DYSF: variants seen among roughly 807,000 people sequenced by gnomAD.
The protein encoded by DYSF is dystrophy-associated fer-1-like 1.
Under a neutral mutation model 274.9 loss-of-function variants are expected in DYSF, and 212 were observed. The observed-to-expected ratio is 0.77, with a 90% CI of 0.69 to 0.86. The LOEUF (loss-of-function observed/expected upper bound fraction) is 0.86, where lower values mean the gene tolerates loss of function less well. Among genes scored for constraint, DYSF ranks in the 40% least tolerant of loss-of-function variants. The pLI is 0.00. For synonymous variants in DYSF, 1,091 were observed against 1,078.7 expected, an observed-to-expected ratio of 1.01 and a Z score of -0.22; for missense variants, 2,666 against 2,783.2, an observed-to-expected ratio of 0.96 and a Z score of 0.95.
chr2:71,537,479 C>G (rs765100764), intron 16 of DYSF, among the ~76,000 whole-genome samples: 106 of 152,226 alleles, frequency 7.0e-4, no homozygotes, highest in Middle Eastern at 3.4e-3. Flanking sequence ...CTCCTGATCT[C>G]AGGTGATCCA....
At chr2:71,482,627 G>C (rs1230490457) in intron 3 of DYSF, among the ~76,000 whole-genome samples, 1 of 152,040 alleles carries the variant, frequency 6.6e-6, no homozygotes, top group Non-Finnish European at 1.5e-5. Flanking sequence ...TGAGCCCCTG[G>C]GCCTTGTAAA....
Position 71,513,909 on chromosome 2 carries a change from G to T in DYSF, c.747G>T (p.Pro249=). 2 of 1,614,124 alleles carry T rather than the reference G, an allele frequency of 1.2e-6. No individual in the cohort carries two copies. Among genetic ancestry groups the T allele is most frequent in the Non-Finnish European group, 1.7e-6 (2 of 1,180,002 alleles). The change falls in exon 7 of 56, where the codon CCG becomes CCT. Residue 249 remains proline, a synonymous_variant. Transcript: ENST00000410020. ...CTAGAAAGCTGCTGTCAGACAAACCGCAGGATTTCCAGGTGATGAACGGGC... is the reference window on the plus strand; with the variant it reads ...CTAGAAAGCTGCTGTCAGACAAACCTCAGGATTTCCAGGTGATGAACGGGC... ...PTSRKLLSDK[P]QDFQIRVQVI... is the part of the protein sequence containing the mutation.
chr2:71,669,005 G>A, intron 49 of DYSF, 107 bp from the exon 50 acceptor site: 2 of 1,278,044 alleles, frequency 1.6e-6, no homozygotes, highest in Non-Finnish European at 2.2e-6. Flanking sequence ...AGCCAGGCAG[G>A]CATCGAGTCC....
intron 17 of DYSF, among the ~76,000 whole-genome samples, chr2:71,549,009 G>A (rs1318165727): frequency 6.6e-6 from 1 of 152,164 alleles, no homozygotes; most frequent in Non-Finnish European, 1.5e-5. Context: ...ATATGGAAAA[G>A]CACATTTTCT....
chr2:71,534,661 G>T (rs917108750), intron 14 of DYSF, among the ~76,000 whole-genome samples: 1 of 152,206 alleles, frequency 6.6e-6, no homozygotes, highest in African/African-American at 2.4e-5. Context: ...GGGCCTCTGG[G>T]AAAGCTGGTC....
intron 41 of DYSF, among the ~76,000 whole-genome samples, chr2:71,630,833 C>G (rs1024553036): frequency 6.6e-6 from 1 of 152,206 alleles, no homozygotes; most frequent in Non-Finnish European, 1.5e-5. Flanking sequence ...GTGTTTACTC[C>G]TTACTCCTGT....
At chr2:71,492,095 A>G (rs2083904394) in intron 3 of DYSF, among the ~76,000 whole-genome samples, 1 of 152,122 alleles carries the variant, frequency 6.6e-6, no homozygotes, top group African/African-American at 2.4e-5. Context: ...AAGGATTTTT[A>G]TGACTATATT....
intron 1 of DYSF, among the ~76,000 whole-genome samples, chr2:71,478,275 C>A (rs549797749): frequency 7.3e-5 from 11 of 150,660 alleles, no homozygotes; most frequent in South Asian, 2.1e-4. Flanking sequence ...GCAGTGGTGC[C>A]ATCTCGGCTC....
At chr2:71,577,459 C>T (rs1258998897) in intron 30 of DYSF, among the ~76,000 whole-genome samples, 5 of 151,708 alleles carry the variant, frequency 3.3e-5, no homozygotes, top group African/African-American at 9.7e-5. Flanking sequence ...CTCACACACA[C>T]CAACACACTC....
chr2:71,454,730 T>C (rs1274708090), intron 1 of DYSF, among the ~76,000 whole-genome samples: 4 of 152,160 alleles, frequency 2.6e-5, no homozygotes, highest in Non-Finnish European at 4.4e-5. Flanking sequence ...ATCTGCTTTC[T>C]ATCATCAGAG....
chr2:71,582,106 C>CAAAAAAAAAA (rs1159294834), intron 30 of DYSF, among the ~76,000 whole-genome samples: 6 of 35,118 alleles, frequency 1.7e-4, no homozygotes, highest in Non-Finnish European at 2.2e-4. Context: ...GACTCCGTCT[C>CAAAAAAAAAA]AAAAAAAAAA....
intron 30 of DYSF, among the ~76,000 whole-genome samples, chr2:71,580,879 C>A (rs2092873321): frequency 6.6e-6 from 1 of 152,188 alleles, no homozygotes; most frequent in Non-Finnish European, 1.5e-5. Context: ...TGTCCATGTG[C>A]CTCAGGCAAA....
intron 22 of DYSF, among the ~76,000 whole-genome samples, chr2:71,559,130 T>C (rs2152800252): frequency 6.6e-6 from 1 of 152,278 alleles, no homozygotes; most frequent in South Asian, 2.1e-4. Context: ...TGGTGTCCAC[T>C]CTGTTCCTCC....
intron 29 of DYSF, among the ~76,000 whole-genome samples, chr2:71,571,110 A>ACACAGATCACACC (rs1304541147): frequency 3.4e-5 from 5 of 148,004 alleles, no homozygotes; most frequent in African/African-American, 1.3e-4. Context: ...CACACCCAGC[A>ACACAGATCACACC]CACAGATCAC....
chr2:71,675,045 C>T (rs1178504942), intron 52 of DYSF, among the ~76,000 whole-genome samples: 1 of 151,596 alleles, frequency 6.6e-6, no homozygotes, highest in Non-Finnish European at 1.5e-5. Flanking sequence ...TGAAAGCAGC[C>T]AGACACAAAA....
At chr2:71,661,559 A>G (rs1164292453) in intron 45 of DYSF, among the ~76,000 whole-genome samples, 1 of 152,212 alleles carries the variant, frequency 6.6e-6, no homozygotes, top group Non-Finnish European at 1.5e-5. Context: ...CCAAGATAGT[A>G]AAATGATTCC....
intron 22 of DYSF, among the ~76,000 whole-genome samples, 191 bp from the exon 23 acceptor site, chr2:71,561,561 G>A (rs2091757590): frequency 6.6e-6 from 1 of 152,230 alleles, no homozygotes; most frequent in Admixed American, 6.5e-5. Flanking sequence ...GGGTGAGGAA[G>A]GCTTCCTGGA....
chr2:71,502,079 CTGTGTGTGTGTGTGTGTG>C (rs71402986), intron 3 of DYSF, among the ~76,000 whole-genome samples: 5 of 143,916 alleles, frequency 3.5e-5, no homozygotes, highest in East Asian at 4.2e-4. Flanking sequence ...CTCCATGACT[CTGTGTGTGTGTGTGTGTG>C]TGTGTGTGTG....
intron 1 of DYSF, among the ~76,000 whole-genome samples, chr2:71,478,509 C>T (rs190857747): frequency 6.6e-6 from 1 of 152,184 alleles, no homozygotes; most frequent in Non-Finnish European, 1.5e-5. Flanking sequence ...CCGCGCCCGG[C>T]CCAGGCATCC....
Sources: allele counts gnomAD v4.1 joint callset (sites outside exome capture counted in the v4.1 genomes callset), GRCh38; gene constraint gnomAD v4.1.1; transcripts MANE v1.5; gene names NCBI Gene and HGNC (gene_info 2026-07-23, HGNC 2026-07-21).